NTAQ1: variants seen among roughly 807,000 people sequenced by gnomAD.
The protein encoded by NTAQ1 is N-terminal glutamine amidase 1, also known as protein N-terminal glutamine amidohydrolase.
A neutral mutation model predicts 28.2 loss-of-function variants in NTAQ1; 21 were observed. The observed-to-expected ratio is 0.74, with a 90% CI of 0.53 to 1.07. NTAQ1 has a LOEUF of 1.07. NTAQ1 is among the 50% of genes least tolerant of loss of function. NTAQ1 has a pLI of 0.00. For missense variants in NTAQ1, 264 were observed against 256.6 expected (o/e 1.03, Z -0.20); for synonymous variants, 105 against 90.0 (o/e 1.17, Z -0.94).
intron 1 of NTAQ1, among the ~76,000 whole-genome samples, chr8:123,419,907 T>C (rs1813575633): frequency 6.6e-6 from 1 of 151,890 alleles, no homozygotes; most frequent in Admixed American, 6.6e-5. Flanking sequence ...TTTGTTTGAG[T>C]TTTTTTCCCT....
chr8:123,429,882 AAAAAAAAAAAAAAAATCCCGTCTC>A, intron 2 of NTAQ1, 77 bp from the exon 3 acceptor site: 4 of 481,032 alleles, frequency 8.3e-6, no homozygotes, highest in South Asian at 8.7e-5. Flanking sequence ...TCTGTCTCAA[AAAAAAAAAAAAAAAATCCCGTCTC>A]AAAAAAAAAA....
chr8:123,416,907 G>A lies in NTAQ1; in HGVS notation c.58G>A (p.Ala20Thr). 1 of 1,524,372 alleles carries A rather than the reference G, an allele frequency of 6.6e-7. No homozygotes were observed. The highest frequency in any genetic ancestry group is 8.8e-7 in the Non-Finnish European group (1 of 1,136,950). 94.4% of individuals were successfully genotyped at this position (1,524,372 alleles called of 1,614,324 possible). A position where few individuals can be genotyped will look rare whatever the true frequency, so the allele number is the denominator to read the frequency against. ...CCAGCCGGCCAGCCCCCCGCGGGAC[G>A]CCTGCGTCTACAGCAGCTGCTACTG... ...HYQPASPPRD[A>T]CVYSSCYCEE... Residue 20 changes from alanine to threonine, a missense_variant, in exon 1 of 6, where the codon GCC (alanine) becomes ACC (threonine). Physicochemically the swap from Ala to Thr is moderately conservative, Grantham distance 58 (BLOSUM62 0). Transcript: ENST00000287387.
In NTAQ1 at chr8:123,428,007, C is replaced by G. The variant is rs777157410; in HGVS notation, c.167C>G (p.Ser56Cys). The G allele has an allele frequency of 4.4e-6, 7 of 1,606,424 alleles. No homozygotes were observed. Among genetic ancestry groups the G allele is most frequent in the Non-Finnish European group, 5.9e-6 (7 of 1,177,280 alleles). The change falls in exon 2 of 6, where the codon TCT becomes TGT. Residue 56 changes from serine (S) to cysteine (C), a missense_variant. Transcript: ENST00000287387. ...GAAGAATGTTATGCTGTCTTCATATCTAATGAGAGGAAGATGGTAAGTTGG... is the reference window on the plus strand; with the variant it reads ...GAAGAATGTTATGCTGTCTTCATATGTAATGAGAGGAAGATGGTAAGTTGG... Reference protein sequence around the residue: ...PLEECYAVFISNERKMIPIWK... With the variant: ...PLEECYAVFICNERKMIPIWK...
chr8:123,431,984 A>G (rs1336960554), intron 3 of NTAQ1, among the ~76,000 whole-genome samples: 1 of 152,158 alleles, frequency 6.6e-6, no homozygotes, highest in African/African-American at 2.4e-5. Context: ...AAGGACCTGT[A>G]GCCATGTCTC....
At position 123,436,497 on chromosome 8, in the gene NTAQ1, C is replaced by G. The variant is rs780483640; in HGVS notation, c.279C>G (p.Asn93Lys). 1 of 1,613,908 alleles carries G rather than the reference C, an allele frequency of 6.2e-7. No homozygotes were observed. Among genetic ancestry groups the G allele is most frequent in the Admixed American group, 1.7e-5 (1 of 59,982 alleles). ...VLLHVSSGGQ[N>K]FIYDLDTVLP... ...TTCATGTTTCAAGTGGAGGACAGAA[C>G]TTCATTTATGATCTCGATACTGTCT... is the stretch of plus-strand genomic sequence containing the variant. Residue 93 changes from asparagine (N) to lysine (K), a missense_variant, in exon 4 of 6, where the codon AAC becomes AAG. Asn to Lys is a moderately conservative substitution (Grantham distance 94). Coordinates refer to ENST00000287387, the MANE Select transcript of NTAQ1 (RefSeq NM_018024.3).
At chr8:123,416,736 G>C, upstream of NTAQ1, 31 of 742,876 alleles carry the variant, frequency 4.2e-5, no homozygotes, top group Admixed American at 1.1e-4. Context: ...CTCTCCCCCC[G>C]GGCTCCGCCC....
intron 1 of NTAQ1, among the ~76,000 whole-genome samples, chr8:123,417,563 C>T (rs1813375189): frequency 6.6e-6 from 1 of 152,068 alleles, no homozygotes; most frequent in Non-Finnish European, 1.5e-5. Context: ...GCAGTGCACC[C>T]CTGTCCTAGG....
intron 3 of NTAQ1, among the ~76,000 whole-genome samples, chr8:123,432,054 C>G (rs1162375791): frequency 3.9e-5 from 6 of 152,146 alleles, no homozygotes; most frequent in African/African-American, 7.2e-5. Flanking sequence ...TCTCCCCACA[C>G]CCTCTGGCAG....
intron 5 of NTAQ1, among the ~76,000 whole-genome samples, chr8:123,439,494 C>T (rs1814918798): frequency 6.6e-6 from 1 of 152,034 alleles, no homozygotes; most frequent in Admixed American, 6.5e-5. Context: ...AGGCGCCCGC[C>T]ACCACACCCG....
intron 3 of NTAQ1, 37 bp from the exon 4 acceptor site, chr8:123,436,416 A>G (rs542515497): frequency 6.2e-7 from 1 of 1,603,182 alleles, no homozygotes; most frequent in South Asian, 1.1e-5. Flanking sequence ...CATCATTATG[A>G]AGTAACTTGG....
At chr8:123,461,108 AGGCG>A (rs1342801065) in intron 6 of NTAQ1, among the ~76,000 whole-genome samples, 1 of 152,204 alleles carries the variant, frequency 6.6e-6, no homozygotes, top group Non-Finnish European at 1.5e-5. Flanking sequence ...TGGCTTGGGC[AGGCG>A]GGAAGCATGG....
At chr8:123,427,397 C>T (rs1470821387) in intron 1 of NTAQ1, among the ~76,000 whole-genome samples, 1 of 151,920 alleles carries the variant, frequency 6.6e-6, no homozygotes, top group Non-Finnish European at 1.5e-5. Context: ...GGATTACAGG[C>T]ACCCGCCACC....
chr8:123,419,325 C>T (rs1293296931), intron 1 of NTAQ1, among the ~76,000 whole-genome samples: 1 of 152,088 alleles, frequency 6.6e-6, no homozygotes, highest in African/African-American at 2.4e-5. Context: ...TCTTGAACTC[C>T]TGACCTCAGG....
chr8:123,439,028 C>A (rs4871377), intron 5 of NTAQ1, among the ~76,000 whole-genome samples: 108,790 of 152,014 alleles, frequency 0.72, 39,258 homozygotes, highest in East Asian at 0.93. Flanking sequence ...CCTAGTGCAT[C>A]GCAGGCATTT....
chr8:123,460,052 G>A (rs1226560107), intron 6 of NTAQ1, among the ~76,000 whole-genome samples: 2 of 151,960 alleles, frequency 1.3e-5, no homozygotes, highest in Admixed American at 1.3e-4. Context: ...CGCCTGCCTC[G>A]GCCCCCCAAA....
chr8:123,448,934 A>G (rs1428967044), downstream of NTAQ1, among the ~76,000 whole-genome samples: 1 of 152,210 alleles, frequency 6.6e-6, no homozygotes, highest in Non-Finnish European at 1.5e-5. Flanking sequence ...GTAAGTGAAG[A>G]TGACATCTGG....
At chr8:123,438,261 A>C in intron 5 of NTAQ1, 1 of 692,428 alleles carries the variant, frequency 1.4e-6, no homozygotes, top group Non-Finnish European at 2.6e-6. Context: ...CAACATTCCC[A>C]CTTAGGGGTG....
At chr8:123,466,944 A>G (rs1405042104) in intron 6 of NTAQ1, 2 of 152,162 alleles carry the variant, frequency 1.3e-5, no homozygotes, top group African/African-American at 4.8e-5. Context: ...TTCTTTTTTT[A>G]ATAGTATAAT....
intron 6 of NTAQ1, among the ~76,000 whole-genome samples, chr8:123,460,571 A>G (rs1815793336): frequency 6.6e-6 from 1 of 152,226 alleles, no homozygotes; most frequent in African/African-American, 2.4e-5. Context: ...TGTCTTTACT[A>G]CTGGACAGCC....
Sources: gnomAD v4.1 joint callset for allele counts (sites outside exome capture counted in the v4.1 genomes callset) on GRCh38, gnomAD v4.1.1 for gene constraint, MANE v1.5 for transcripts, NCBI Gene and HGNC (gene_info 2026-07-23, HGNC 2026-07-21) for gene names.